EDEM3: variants seen among roughly 807,000 people sequenced by gnomAD.
EDEM3 encodes ER degradation enhancing alpha-mannosidase like protein 3, also known as ER degradation-enhancing alpha-mannosidase-like protein 3.
Under a neutral mutation model 110.2 loss-of-function variants are expected in EDEM3, and 60 were observed. The ratio of observed to expected loss-of-function variants is 0.54; its 90% CI spans 0.44 to 0.67. EDEM3 has a LOEUF of 0.67. Among genes scored for constraint, EDEM3 ranks in the 30% least tolerant of loss-of-function variants. The pLI is 0.00. For synonymous variants in EDEM3, 352 were observed against 382.9 expected, an observed-to-expected ratio of 0.92 and a Z score of 0.94; for missense variants, 996 against 1,121.0, an observed-to-expected ratio of 0.89 and a Z score of 1.59.
intron 11 of EDEM3, among the ~76,000 whole-genome samples, chr1:184,718,506 T>C (rs1248531659): frequency 6.6e-6 from 1 of 152,256 alleles, no homozygotes; most frequent in East Asian, 1.9e-4. Flanking sequence ...GTTGGTAGAA[T>C]GCTTAGATAT....
At position 184,741,345 on chromosome 1, in the gene EDEM3, G is replaced by A. The variant is rs190484188; in HGVS notation, c.205-3634C>T. 1.4e-3 allele frequency among the ~76,000 whole-genome samples: 212 copies of A among 152,104 alleles called. 2 individuals are homozygous for A. The highest frequency in any genetic ancestry group is 4.1e-3 in the African/African-American group (172 of 41,510). ...ACCTGGGAGGCAGAGGCTGCACTGC[G>A]CCGAGATCTCGCCATTGCACTCCAG... On this transcript the variant is annotated intron_variant, in intron 2 of 19. Transcript: ENST00000318130.
rs185302415 is a variant in EDEM3 at position 184,739,103 on chromosome 1, T to A, written c.205-1392A>T. ...TTAAAACAATCCATCCTTTCCCCAA[T>A]GGCTTGAAATATTGGGTTCATTAGT... On this transcript the variant is annotated intron_variant, in intron 2 of 19. Coordinates refer to ENST00000318130, the MANE Select transcript of EDEM3 (RefSeq NM_025191.4). Among the ~76,000 whole-genome samples, 424 of 151,990 alleles carry A rather than the reference T, an allele frequency of 2.8e-3. 5 individuals carry two copies. The East Asian group carries it at 0.035, about 13-fold the overall frequency.
intron 2 of EDEM3, among the ~76,000 whole-genome samples, chr1:184,740,334 G>A (rs901476705): frequency 1.3e-5 from 2 of 151,926 alleles, no homozygotes; most frequent in African/African-American, 2.4e-5. Context: ...ACTTTGTACG[G>A]TCTCACTATA....
At chr1:184,742,252 C>T (rs761681079) in intron 2 of EDEM3, among the ~76,000 whole-genome samples, 12 of 152,126 alleles carry the variant, frequency 7.9e-5, no homozygotes, top group South Asian at 2.1e-4. Context: ...TAGAAAATTG[C>T]GTGCTCTGTA....
intron 19 of EDEM3, 132 bp downstream of exon 19, chr1:184,702,679 A>G: frequency 1.8e-6 from 1 of 569,042 alleles, no homozygotes. Context: ...ATATTTTGAA[A>G]TCATCTTCTA....
intron 8 of EDEM3, among the ~76,000 whole-genome samples, chr1:184,721,945 G>T (rs1377428877): frequency 6.6e-6 from 1 of 151,910 alleles, no homozygotes; most frequent in Non-Finnish European, 1.5e-5. Flanking sequence ...GCAAGGAAAT[G>T]ATTTTAAAAA....
At chr1:184,710,206 T>C (rs1004330426) in intron 16 of EDEM3, among the ~76,000 whole-genome samples, 188 bp downstream of exon 16, 1 of 152,194 alleles carries the variant, frequency 6.6e-6, no homozygotes, top group African/African-American at 2.4e-5. Context: ...ATTTAATTGA[T>C]TTATACTATA....
In EDEM3 at chr1:184,732,860, T is replaced by G. The variant is rs758886936; in HGVS notation, c.589A>C (p.Thr197Pro). 1.9e-6 allele frequency: 3 copies of G among 1,613,640 alleles called. No homozygotes were observed. The highest frequency in any genetic ancestry group is 2.5e-6 in the Non-Finnish European group (3 of 1,179,790). Reference protein sequence around the residue: ...GYKLLPAFNTTSGLPYPRINL... With the variant: ...GYKLLPAFNTPSGLPYPRINL... The stretch of plus-strand genomic sequence containing the variant: ...ACTCTTGGATAAGGAAGGCCACTGG[T>G]AGTGTTGAAAGCCGGTAAAAGTTTG... Residue 197 changes from threonine to proline, a missense_variant, in exon 6 of 20, where the codon ACC becomes CCC. By Grantham distance (38) the Thr-to-Pro change is conservative (BLOSUM62 -1). Around this residue, in one of 5 missense-constraint regions of EDEM3, gnomAD observed 310 missense variants for 394.6 expected, o/e 0.79. Coordinates refer to ENST00000318130, the MANE Select transcript of EDEM3 (RefSeq NM_025191.4).
intron 19 of EDEM3, among the ~76,000 whole-genome samples, chr1:184,700,445 C>T (rs1649554458): frequency 6.6e-6 from 1 of 151,882 alleles, no homozygotes; most frequent in Non-Finnish European, 1.5e-5. Flanking sequence ...TTAACTAGTA[C>T]CTGTAATGGT....
chr1:184,703,867 G>A (rs1649765555), intron 18 of EDEM3, among the ~76,000 whole-genome samples: 1 of 152,312 alleles, frequency 6.6e-6, no homozygotes, highest in Middle Eastern at 3.4e-3. Flanking sequence ...TAATAGTCCA[G>A]TTGAATGACA....
intron 13 of EDEM3, among the ~76,000 whole-genome samples, chr1:184,715,976 AG>A (rs1462343258): frequency 6.6e-6 from 1 of 152,170 alleles, no homozygotes; most frequent in Non-Finnish European, 1.5e-5. Context: ...TCATGTCTTC[AG>A]TCTCACTGCC....
rs1042547327 is a variant in EDEM3 at position 184,719,553 on chromosome 1, T to C, written c.967A>G (p.Met323Val). Residue 323 changes from methionine (M) to valine (V), a missense_variant, in exon 10 of 20, where the codon ATG (methionine) becomes GTG (valine). Around this residue, in one of 5 missense-constraint regions of EDEM3, gnomAD observed 310 missense variants for 394.6 expected, o/e 0.79. Coordinates refer to ENST00000318130, the MANE Select transcript of EDEM3 (RefSeq NM_025191.4). ...ERFNTHYDAI[M>V]RYISQPPLLL... ...AGAGGTGGCTGGCTAATATACCTCA[T>C]TATGGCATCATAGTGCTAAAAGATC... 6.8e-6 allele frequency: 11 copies of C among 1,613,920 alleles called. No homozygotes were observed. Among genetic ancestry groups the C allele is most frequent in the Non-Finnish European group, 9.3e-6 (11 of 1,179,976 alleles).
In EDEM3 at chr1:184,721,365, A is replaced by G; in HGVS notation, c.875T>C (p.Ile292Thr). The change falls in exon 9 of 20, where the codon ATT becomes ACT. Residue 292 changes from isoleucine to threonine, a missense_variant. By Grantham distance (89) the Ile-to-Thr change is moderately conservative. Coordinates refer to ENST00000318130, the MANE Select transcript of EDEM3 (RefSeq NM_025191.4). ...CAACAGATATTCATAATATGAATCA[A>G]TCCCTGCTCCAACTCCACTATCTAT... ...VRKDSGVGAG[I>T]DSYYEYLLKA... 1 of 1,603,908 alleles carries G rather than the reference A, an allele frequency of 6.2e-7. No homozygotes were observed. The highest frequency in any genetic ancestry group is 1.1e-5 in the South Asian group (1 of 88,318).
At chr1:184,699,163 A>T (rs1292599888) in intron 19 of EDEM3, among the ~76,000 whole-genome samples, 1 of 151,862 alleles carries the variant, frequency 6.6e-6, no homozygotes, top group Non-Finnish European at 1.5e-5. Flanking sequence ...AGACTTAGAG[A>T]TTGGATGTTT....
chr1:184,708,239 G>C lies in EDEM3; in HGVS notation c.1951C>G (p.Gln651Glu). The C allele has an allele frequency of 6.2e-7, 1 of 1,613,696 alleles. No individual in the cohort carries two copies. The highest frequency in any genetic ancestry group is 1.3e-5 in the African/African-American group (1 of 74,996). Residue 651 changes from glutamine to glutamate, a missense_variant, in exon 17 of 20, where the codon CAA becomes GAA. Physicochemically the swap from Gln to Glu is conservative, Grantham distance 29. Coordinates refer to ENST00000318130, the MANE Select transcript of EDEM3 (RefSeq NM_025191.4). ...CCAAAAAATGGGTGGGAAACAATTT[G>C]TACAGCTCGTGGAGGCAGCTGCTGT... Reference protein sequence around the residue: ...KEQQLPPRAVQIVSHPFFGRV... With the variant: ...KEQQLPPRAVEIVSHPFFGRV...
intron 2 of EDEM3, among the ~76,000 whole-genome samples, chr1:184,745,896 A>C (rs1652405430): frequency 6.6e-6 from 1 of 152,204 alleles, no homozygotes; most frequent in African/African-American, 2.4e-5. Flanking sequence ...AAGGTTCTAC[A>C]TTTGGATGGC....
rs1211768359 is a variant in EDEM3 at position 184,719,143 on chromosome 1, C to A, written c.1161+19G>T. 2.1e-6 allele frequency: 3 copies of A among 1,461,146 alleles called. No individual in the cohort carries two copies. Among genetic ancestry groups the A allele is most frequent in the Non-Finnish European group, 2.8e-6 (3 of 1,077,104 alleles). The allele number at this position is 1,461,146 out of a possible 1,614,324, so 90.5% of individuals were successfully genotyped here. On this transcript the variant is annotated intron_variant, in intron 11 of 19. Coordinates refer to ENST00000318130, the MANE Select transcript of EDEM3 (RefSeq NM_025191.4). Reference sequence around the variant, plus strand: ...GTGTTTGTGTGTGTGTAAGATTATTCCAAAAATTATTTGCTTACCTCTGGT... The same window carrying A: ...GTGTTTGTGTGTGTGTAAGATTATTACAAAAATTATTTGCTTACCTCTGGT...
chr1:184,749,436 C>T (rs1652624811), intron 2 of EDEM3, 111 bp downstream of exon 2: 1 of 883,658 alleles, frequency 1.1e-6, no homozygotes, highest in East Asian at 3.0e-5. Flanking sequence ...TTTTTAAAAA[C>T]TTCCTTTTAA....
In EDEM3 at chr1:184,706,739, T is replaced by C; in HGVS notation, c.2107A>G (p.Met703Val). ...CSELTNPEAV[M>V]GKIALIQRGQ... ...CTTTGTATCAGTGCGATTTTTCCCA[T>C]CACTGCCTCTGGGTTAGTAAGCTCT... Residue 703 changes from methionine to valine, a missense_variant, in exon 18 of 20, where the codon ATG (methionine) becomes GTG (valine). Physicochemically the swap from Met to Val is conservative, Grantham distance 21 (BLOSUM62 1). Transcript: ENST00000318130. 1.2e-6 allele frequency: 2 copies of C among 1,614,006 alleles called. No homozygotes were observed. Among genetic ancestry groups the C allele is most frequent in the Non-Finnish European group, 1.7e-6 (2 of 1,179,934 alleles).
Sources: allele counts gnomAD v4.1 joint callset (sites outside exome capture counted in the v4.1 genomes callset), GRCh38; gene constraint gnomAD v4.1.1; regional missense constraint gnomAD v4.1.1; transcripts MANE v1.5; gene names NCBI Gene and HGNC (gene_info 2026-07-23, HGNC 2026-07-21).